Variants in GHR observed in about 807,000 individuals in gnomAD.
The protein encoded by GHR is growth hormone receptor.
Under a neutral mutation model 67.1 loss-of-function variants are expected in GHR, and 35 were observed. That is an observed-to-expected ratio of 0.52 (90% CI 0.40 to 0.69). GHR has a LOEUF of 0.69. GHR is among the 30% of genes least tolerant of loss of function. GHR has a pLI of 0.00. For synonymous variants in GHR, 272 were observed against 269.1 expected, an observed-to-expected ratio of 1.01 and a Z score of -0.10; for missense variants, 792 against 764.6, an observed-to-expected ratio of 1.04 and a Z score of -0.42.
chr5:42,527,440 C>G (rs150155448), intron 1 of GHR, among the ~76,000 whole-genome samples: 2,913 of 152,130 alleles, frequency 0.019, 160 homozygotes, highest in East Asian at 0.13. Flanking sequence ...GACTTTAAAC[C>G]AACAAAGATC....
At chr5:42,660,922 T>C (rs1755573783) in intron 3 of GHR, among the ~76,000 whole-genome samples, 2 of 152,138 alleles carry the variant, frequency 1.3e-5, no homozygotes, top group South Asian at 2.1e-4. Context: ...AAGGAGCTGA[T>C]GGAGCTGAAA....
At chr5:42,539,622 T>A (rs1748411591) in intron 1 of GHR, among the ~76,000 whole-genome samples, 1 of 152,228 alleles carries the variant, frequency 6.6e-6, no homozygotes, top group Non-Finnish European at 1.5e-5. Context: ...CTCTCGGGAT[T>A]CCTGTTTCAT....
intron 1 of GHR, among the ~76,000 whole-genome samples, chr5:42,474,295 G>GAGAAAGAAAGAAAGAAAAGAAAGAAAGAA (rs1554054586): frequency 1.2e-5 from 1 of 81,070 alleles, no homozygotes; most frequent in Non-Finnish European, 2.4e-5. Context: ...AAAAGAGAAA[G>GAGAAAGAAAGAAAGAAAAGAAAGAAAGAA]AGAAAGAAAG....
intron 3 of GHR, among the ~76,000 whole-genome samples, chr5:42,636,620 C>T (rs1266995890): frequency 6.6e-6 from 1 of 152,210 alleles, no homozygotes; most frequent in African/African-American, 2.4e-5. Context: ...CAGAAAAGCC[C>T]TTTGTTCACA....
At chr5:42,487,375 G>A (rs926747913) in intron 1 of GHR, among the ~76,000 whole-genome samples, 1 of 152,062 alleles carries the variant, frequency 6.6e-6, no homozygotes, top group African/African-American at 2.4e-5. Context: ...TATTTTTAAC[G>A]TAAGCGTTGG....
At chr5:42,530,772 CTT>C (rs1747931153) in intron 1 of GHR, among the ~76,000 whole-genome samples, 1 of 152,102 alleles carries the variant, frequency 6.6e-6, no homozygotes, top group African/African-American at 2.4e-5. Context: ...CACTTATTCT[CTT>C]GTTTTTTCAC....
rs879617440 is a variant in GHR at position 42,711,157 on chromosome 5, T to C, written c.619-50T>C. On this transcript the variant is annotated intron_variant, in intron 6 of 9. Transcript: ENST00000230882. Reference sequence around the variant, plus strand: ...GAGAATACCTGTAGTGTTCATTGCATTGAGTTGTTGACTCTTTGGCCAATA... The same window carrying C: ...GAGAATACCTGTAGTGTTCATTGCACTGAGTTGTTGACTCTTTGGCCAATA... The C allele has an allele frequency of 2.9e-6, 4 of 1,369,554 alleles. No homozygotes were observed. In the Admixed American group the frequency reaches 6.7e-5, roughly 23 times the overall value. 84.8% of individuals were successfully genotyped at this position (1,369,554 alleles called of 1,614,324 possible).
intron 1 of GHR, among the ~76,000 whole-genome samples, chr5:42,524,243 A>G (rs1329863174): frequency 1.3e-5 from 2 of 152,234 alleles, no homozygotes; most frequent in African/African-American, 2.4e-5. Flanking sequence ...ACTTTGACCC[A>G]ACAGCCTGAT....
chr5:42,588,765 T>C (rs928199366), intron 2 of GHR, among the ~76,000 whole-genome samples: 10 of 152,268 alleles, frequency 6.6e-5, no homozygotes, highest in African/African-American at 2.4e-4. Flanking sequence ...TTTTTTGTTT[T>C]CTACCAAAAC....
chr5:42,542,580 C>T (rs1166329178), intron 1 of GHR, among the ~76,000 whole-genome samples: 2 of 151,988 alleles, frequency 1.3e-5, no homozygotes, highest in Non-Finnish European at 2.9e-5. Flanking sequence ...TAAGGTGATT[C>T]TTATCTTCCT....
chr5:42,467,400 G>T, intron 1 of GHR: 1 of 927,152 alleles, frequency 1.1e-6, no homozygotes, highest in Non-Finnish European at 1.8e-6. Context: ...TCTCCCCAGT[G>T]TGGATCCTCT....
intron 6 of GHR, among the ~76,000 whole-genome samples, chr5:42,703,486 T>C (rs187732912): frequency 6.6e-6 from 1 of 152,186 alleles, no homozygotes; most frequent in Non-Finnish European, 1.5e-5. Flanking sequence ...GGTAGAGTGA[T>C]GATTTCATCC....
chr5:42,544,071 C>T (rs1053919298), intron 1 of GHR, among the ~76,000 whole-genome samples: 1 of 152,002 alleles, frequency 6.6e-6, no homozygotes, highest in Non-Finnish European at 1.5e-5. Context: ...GTCTCAAAAC[C>T]TAGGGAAGCT....
chr5:42,713,722 A>G, intron 8 of GHR: 1 of 496,590 alleles, frequency 2.0e-6, no homozygotes, highest in Non-Finnish European at 3.6e-6. Context: ...TTAGAGGTTT[A>G]GATTCTATCT....
chr5:42,672,169 A>G (rs1451239618), intron 3 of GHR, among the ~76,000 whole-genome samples: 2 of 152,148 alleles, frequency 1.3e-5, no homozygotes, highest in Admixed American at 6.6e-5. Flanking sequence ...AAAGAAATAA[A>G]AGACATCAAA....
rs538773678 is a variant in GHR at position 42,449,940 on chromosome 5, C to T, written c.-12+25985C>T. Among the ~76,000 whole-genome samples the T allele has an allele frequency of 5.3e-5, 8 of 152,070 alleles. No individual in the cohort carries two copies. The East Asian group carries it at 7.7e-4, about 15-fold the overall frequency. ...ATGTGGTGTATCACATTTATTGACT[C>T]GGGTATGGTAAACCTACATCCCTGG... is the stretch of plus-strand genomic sequence containing the variant. On this transcript the variant is annotated intron_variant, in intron 1 of 9. Transcript: ENST00000230882.
At chr5:42,685,633 A>G (rs1463541066) in intron 3 of GHR, among the ~76,000 whole-genome samples, 1 of 152,202 alleles carries the variant, frequency 6.6e-6, no homozygotes, top group African/African-American at 2.4e-5. Flanking sequence ...AATGATCGCC[A>G]TTCTAACTGG....
Position 42,583,800 on chromosome 5 carries a change from TG to T in GHR, c.70+17858del, listed in dbSNP as rs1157027036. On this transcript the variant is annotated intron_variant, in intron 2 of 9. Coordinates refer to ENST00000230882, the MANE Select transcript of GHR (RefSeq NM_000163.5). The stretch of plus-strand genomic sequence containing the variant: ...AAATTCTTCTTCTTGCAAAAGAAGG[TG>T]GTTCTTTCCTGCCTTCCCTAACCTT... Among the ~76,000 whole-genome samples, 82 of 151,880 alleles carry T rather than the reference TG, an allele frequency of 5.4e-4. 1 individual carries two copies. The highest frequency in any genetic ancestry group is 5.4e-3 in the Admixed American group (82 of 15,232).
intron 2 of GHR, among the ~76,000 whole-genome samples, chr5:42,615,149 G>A (rs1048316053): frequency 2.0e-5 from 3 of 151,568 alleles, no homozygotes; most frequent in Admixed American, 6.6e-5. Flanking sequence ...TGCTTCCGAC[G>A]AAATTTAAAC....
Sources: gnomAD v4.1 joint callset for allele counts (sites outside exome capture counted in the v4.1 genomes callset) on GRCh38, gnomAD v4.1.1 for gene constraint, MANE v1.5 for transcripts, NCBI Gene and HGNC (gene_info 2026-07-23, HGNC 2026-07-21) for gene names.